ADH5: variants seen among roughly 807,000 people sequenced by gnomAD.
The protein encoded by ADH5 is alcohol dehydrogenase class-3.
ADH5 carries 32 observed loss-of-function variants against 40.3 expected under a neutral mutation model. The ratio of observed to expected loss-of-function variants is 0.79; its 90% CI spans 0.60 to 1.07. ADH5 has a LOEUF of 1.07. Ranked by LOEUF, ADH5 falls within the 50% of genes least tolerant of loss-of-function variation. The pLI is 0.00. For missense variants in ADH5, 353 were observed against 460.5 expected, an observed-to-expected ratio of 0.77 and a Z score of 2.14; for synonymous variants, 125 against 154.3, an observed-to-expected ratio of 0.81 and a Z score of 1.41.
At position 99,076,716 on chromosome 4, in the gene ADH5, C is replaced by T; in HGVS notation, c.552G>A (p.Val184=). 6.2e-7 allele frequency: 1 copy of T among 1,613,886 alleles called. No homozygotes were observed. Among genetic ancestry groups the T allele is most frequent in the Non-Finnish European group, 8.5e-7 (1 of 1,179,862 alleles). The change falls in exon 5 of 9, where the codon GTG becomes GTA. Residue 184 remains valine, a synonymous_variant. Transcript: ENST00000296412. ...GTCAGTCTCTTACCTTGGCAGTGTT[C>T]ACAGCAGCACCATAACCGGTTGAAA... The part of the protein sequence containing the change: ...CGISTGYGAA[V]NTAKLEPGSV...
At chr4:99,085,021 T>C in intron 2 of ADH5, 94 bp downstream of exon 2, 1 of 557,580 alleles carries the variant, frequency 1.8e-6, no homozygotes, top group Non-Finnish European at 2.8e-6. Flanking sequence ...ACACTGTCCT[T>C]TGGGATTTAT....
chr4:99,087,174 A>C (rs2110465563), intron 1 of ADH5, among the ~76,000 whole-genome samples: 1 of 152,062 alleles, frequency 6.6e-6, no homozygotes, highest in South Asian at 2.1e-4. Context: ...ACCTGAGGTC[A>C]GGAGTTGGAG....
At chr4:99,087,881 G>T (rs1273279252) in intron 1 of ADH5, among the ~76,000 whole-genome samples, 1 of 152,120 alleles carries the variant, frequency 6.6e-6, no homozygotes, top group Non-Finnish European at 1.5e-5. Flanking sequence ...TATGTTTAAG[G>T]CCATTTGTCT....
At position 99,082,031 on chromosome 4, in the gene ADH5, T is replaced by G; in HGVS notation, c.200A>C (p.His67Pro). ...ACTTTCCACAATTCCAGCACCTTCA[T>G]GTCCCAAGATCACTGGAAAACAACC... ...PEGCFPVILGHEGAGIVESVG... is the reference protein window; with the variant it reads ...PEGCFPVILGPEGAGIVESVG... Residue 67 changes from histidine to proline, a missense_variant, in exon 3 of 9, where the codon CAT becomes CCT. Coordinates refer to ENST00000296412, the MANE Select transcript of ADH5 (RefSeq NM_000671.4). The G allele has an allele frequency of 6.2e-7, 1 of 1,613,934 alleles. No individual in the cohort carries two copies.
In ADH5 at chr4:99,081,966, T is replaced by C. The variant is rs1728033144; in HGVS notation, c.256+9A>G. On this transcript the variant is annotated intron_variant, in intron 3 of 8. Transcript: ENST00000296412. ...ATTATTAAACAAGTGGTTCAAGTATTCTCCTTACCCGCCTTCAGCTTAGTA... is the reference window on the plus strand; with the variant it reads ...ATTATTAAACAAGTGGTTCAAGTATCCTCCTTACCCGCCTTCAGCTTAGTA... 1.2e-6 allele frequency: 2 copies of C among 1,613,152 alleles called. No individual in the cohort carries two copies. The highest frequency in any genetic ancestry group is 1.1e-5 in the South Asian group (1 of 90,990).
At chr4:99,085,904 G>A (rs996645306) in intron 1 of ADH5, among the ~76,000 whole-genome samples, 1 of 152,132 alleles carries the variant, frequency 6.6e-6, no homozygotes, top group Non-Finnish European at 1.5e-5. Flanking sequence ...GCATGGTGGT[G>A]CGCATCTGTG....
chr4:99,082,613 T>C (rs889806258), intron 2 of ADH5, among the ~76,000 whole-genome samples: 3 of 152,210 alleles, frequency 2.0e-5, no homozygotes, highest in Admixed American at 2.0e-4. Flanking sequence ...ACTCCCTTTT[T>C]ACAAACCACA....
At chr4:99,079,333 C>T (rs958575556) in intron 4 of ADH5, among the ~76,000 whole-genome samples, 2 of 151,220 alleles carry the variant, frequency 1.3e-5, no homozygotes, top group Non-Finnish European at 2.9e-5. Context: ...ACTACTGACG[C>T]ATATGCAGCT....
chr4:99,087,406 G>GGGGGGGGGTGGA (rs1728167201), intron 1 of ADH5, among the ~76,000 whole-genome samples: 1 of 101,718 alleles, frequency 9.8e-6, no homozygotes, highest in Non-Finnish European at 2.0e-5. Context: ...AGGGGGGGGG[G>GGGGGGGGGTGGA]AGGGAAATGG....
Position 99,076,389 on chromosome 4 carries a change from G to A in ADH5, c.728C>T (p.Pro243Leu), listed in dbSNP as rs1727930671. 1.2e-6 allele frequency: 2 copies of A among 1,614,140 alleles called. No individual in the cohort carries two copies. Among genetic ancestry groups the A allele is most frequent in the African/African-American group, 2.7e-5 (2 of 75,020 alleles). The change falls in exon 6 of 9, where the codon CCT becomes CTT. Residue 243 changes from proline (P) to leucine (L), a missense_variant. Pro to Leu is a moderately conservative substitution (Grantham distance 98, BLOSUM62 -3). Coordinates refer to ENST00000296412, the MANE Select transcript of ADH5 (RefSeq NM_000671.4). ...CTGGATGGGTTTACTAAAATCCTGA[G>A]GGTTAATACATTCAGTGGCTCCAAA... Reference protein sequence around the residue: ...KEFGATECINPQDFSKPIQEV... With the variant: ...KEFGATECINLQDFSKPIQEV...
At position 99,086,037 on chromosome 4, in the gene ADH5, A is replaced by AAAACAAACAAACAAACAAAC. The variant is rs77642031; in HGVS notation, c.13-841_13-822dup. On this transcript the variant is annotated intron_variant, in intron 1 of 8. Transcript: ENST00000296412. ...GGGCAACAGAGCGAGACATCGTCTC[A>AAAACAAACAAACAAACAAAC]AAACAAACAAACAAACAAACAAAAC... Among the ~76,000 whole-genome samples the AAAACAAACAAACAAACAAAC allele has an allele frequency of 3.6e-3, 536 of 150,824 alleles. 5 individuals carry two copies. The highest frequency in any genetic ancestry group is 0.012 in the African/African-American group (472 of 40,920).
chr4:99,082,168 G>C, intron 2 of ADH5, 52 bp from the exon 3 acceptor site: 2 of 1,572,976 alleles, frequency 1.3e-6, no homozygotes, highest in Non-Finnish European at 1.7e-6. Context: ...ATGCAATTCA[G>C]AGGTACAGAT....
At chr4:99,083,802 A>G (rs1381972726) in intron 2 of ADH5, among the ~76,000 whole-genome samples, 1 of 151,988 alleles carries the variant, frequency 6.6e-6, no homozygotes, top group African/African-American at 2.4e-5. Flanking sequence ...CACTACTCTA[A>G]AGCACTAATT....
Position 99,075,178 on chromosome 4 carries a change from A to C in ADH5, c.826-129T>G, listed in dbSNP as rs1208462800. Reference sequence around the variant, plus strand: ...CAACAAAAGGCCAAACTTAACATTTAGTGAGCTCAATGTTATTGAACAATT... The same window carrying C: ...CAACAAAAGGCCAAACTTAACATTTCGTGAGCTCAATGTTATTGAACAATT... On this transcript the variant is annotated intron_variant, in intron 6 of 8. Coordinates refer to ENST00000296412, the MANE Select transcript of ADH5 (RefSeq NM_000671.4). The C allele has an allele frequency of 1.2e-5, 9 of 732,616 alleles. No individual in the cohort carries two copies. The Admixed American group carries it at 2.6e-4, about 21-fold the overall frequency. 45.4% of individuals were successfully genotyped at this position (732,616 alleles called of 1,614,324 possible). A position where few individuals can be genotyped will look rare whatever the true frequency, so the allele number is the denominator to read the frequency against.
Position 99,072,563 on chromosome 4 carries a change from G to A in ADH5, c.1100+10C>T. 1.2e-6 allele frequency: 2 copies of A among 1,609,668 alleles called. No individual in the cohort carries two copies. The highest frequency in any genetic ancestry group is 1.7e-6 in the Non-Finnish European group (2 of 1,178,596). ...TATTACATTCTATGATATATAAAGA[G>A]AAAGCCTACCTCTTTCCAGAATGCA... On this transcript the variant is annotated intron_variant, in intron 8 of 8. Coordinates refer to ENST00000296412, the MANE Select transcript of ADH5 (RefSeq NM_000671.4).
At chr4:99,082,823 C>T (rs934891203) in intron 2 of ADH5, among the ~76,000 whole-genome samples, 1 of 152,090 alleles carries the variant, frequency 6.6e-6, no homozygotes, top group Admixed American at 6.6e-5. Context: ...ACTGCAGGCG[C>T]GTACCACCAG....
In ADH5 at chr4:99,076,461, AT is replaced by A; in HGVS notation, c.655del (p.Ile219SerfsTer39). The A allele has an allele frequency of 1.2e-6, 2 of 1,614,146 alleles. No individual in the cohort carries two copies. The highest frequency in any genetic ancestry group is 8.5e-7 in the Non-Finnish European group (1 of 1,179,986). ...MGCKVAGASR[I>X]IGVDINKDKF... ...ATCTTTATTGATGTCCACACCAATG[AT>A]CCGGGAAGCACCAGCCACTTTACAG... On this transcript the variant is annotated frameshift_variant, in exon 6 of 9. Coordinates refer to ENST00000296412, the MANE Select transcript of ADH5 (RefSeq NM_000671.4). LOFTEE classifies it high-confidence loss of function.
At position 99,072,086 on chromosome 4, in the gene ADH5, G is replaced by A. The variant is rs2110457039; in HGVS notation, c.*331C>T. On this transcript the variant is annotated 3_prime_UTR_variant, in exon 9 of 9. Transcript: ENST00000296412. ...GCCCTGCTTCCTTTCCCTTTCCCTT[G>A]CAGAATGAAGATAATGGGCAGACAA... 4.1e-6 allele frequency: 1 copy of A among 242,086 alleles called. No individual in the cohort carries two copies. Among genetic ancestry groups the A allele is most frequent in the Non-Finnish European group, 7.9e-6 (1 of 127,100 alleles). The allele number at this position is 242,086 out of a possible 1,614,324, so 15.0% of individuals were successfully genotyped here.
intron 4 of ADH5, among the ~76,000 whole-genome samples, chr4:99,079,180 A>G (rs1272008839): frequency 6.6e-6 from 1 of 152,224 alleles, no homozygotes; most frequent in African/African-American, 2.4e-5. Context: ...GCCTATATCC[A>G]TCAAAAGACA....
Sources: gnomAD v4.1 joint callset for allele counts (sites outside exome capture counted in the v4.1 genomes callset) on GRCh38, gnomAD v4.1.1 for gene constraint, MANE v1.5 for transcripts, NCBI Gene and HGNC (gene_info 2026-07-23, HGNC 2026-07-21) for gene names.